Variants in GRAMD1C observed in about 807,000 individuals in gnomAD.
GRAMD1C encodes the protein GRAM domain containing 1C, also known as protein Aster-C.
GRAMD1C carries 89 observed loss-of-function variants against 97.8 expected under a neutral mutation model. The observed-to-expected ratio is 0.91, with a 90% CI of 0.77 to 1.09. The LOEUF is 1.09. GRAMD1C is among the 50% of genes least tolerant of loss of function. GRAMD1C has a pLI of 0.00. For synonymous variants in GRAMD1C, 256 were observed against 267.0 expected, an observed-to-expected ratio of 0.96 and a Z score of 0.40; for missense variants, 740 against 766.4, an observed-to-expected ratio of 0.97 and a Z score of 0.41.
intron 9 of GRAMD1C, among the ~76,000 whole-genome samples, chr3:113,911,612 TCCTTC>T (rs145618589): frequency 0.014 from 2,136 of 150,462 alleles, 55 homozygotes; most frequent in African/African-American, 0.049. Flanking sequence ...TCTCCCTCCC[TCCTTC>T]CCTTCCCTTC....
intron 2 of GRAMD1C, among the ~76,000 whole-genome samples, chr3:113,863,498 G>A (rs893826706): frequency 2.6e-5 from 4 of 152,078 alleles, no homozygotes; most frequent in African/African-American, 9.7e-5. Flanking sequence ...ACTGCTAATG[G>A]GTATAGGATT....
intron 6 of GRAMD1C, chr3:113,885,634 A>T (rs1935447318): frequency 6.7e-7 from 1 of 1,497,934 alleles, no homozygotes; most frequent in Middle Eastern, 1.7e-4. Flanking sequence ...AAGAGGCCCC[A>T]TGTGGATTTC....
chr3:113,870,213 A>T (rs1934740764), intron 3 of GRAMD1C, among the ~76,000 whole-genome samples: 2 of 151,730 alleles, frequency 1.3e-5, no homozygotes, highest in Admixed American at 6.6e-5. Flanking sequence ...AAAAAAAAAA[A>T]TTAGCCAGGT....
At chr3:113,887,315 C>T (rs1002293418) in intron 6 of GRAMD1C, among the ~76,000 whole-genome samples, 10 of 151,524 alleles carry the variant, frequency 6.6e-5, no homozygotes, top group African/African-American at 2.4e-4. Context: ...TGGCCTCTAA[C>T]TTCTGACCTC....
At chr3:113,885,527 A>G in intron 6 of GRAMD1C, 18 of 1,606,390 alleles carry the variant, frequency 1.1e-5, no homozygotes, top group Non-Finnish European at 1.4e-5. Context: ...CACTCCCACC[A>G]TGATGGGGTC....
Position 113,933,521 on chromosome 3 carries a change from A to C in GRAMD1C, c.1220A>C (p.Lys407Thr). The C allele has an allele frequency of 6.2e-7, 1 of 1,610,956 alleles. No homozygotes were observed. The highest frequency in any genetic ancestry group is 8.5e-7 in the Non-Finnish European group (1 of 1,177,192). Residue 407 changes from lysine (K) to threonine (T), a missense_variant, in exon 12 of 18, where the codon AAA (lysine) becomes ACA (threonine). Coordinates refer to ENST00000358160, the MANE Select transcript of GRAMD1C (RefSeq NM_017577.5). ...TAATEKQTLY[K>T]ESREARFYLV... ...ATCTTACTTTGGCAGACACTGTATAAAGAAAGTCGGGAAGCACGATTTTAT... is the reference window on the plus strand; with the variant it reads ...ATCTTACTTTGGCAGACACTGTATACAGAAAGTCGGGAAGCACGATTTTAT...
chr3:113,869,390 A>G (rs1404487954), intron 2 of GRAMD1C, 117 bp from the exon 3 acceptor site: 4 of 657,018 alleles, frequency 6.1e-6, no homozygotes, highest in East Asian at 2.9e-5. Flanking sequence ...GTTTATTTAT[A>G]TAAGGACATA....
At chr3:113,834,157 G>A (rs13087470), upstream of GRAMD1C, among the ~76,000 whole-genome samples, 36,589 of 151,900 alleles carry the variant, frequency 0.24, 4,533 homozygotes, top group Admixed American at 0.31. Context: ...TGCCAAATTC[G>A]CTATATTACT....
At position 113,871,006 on chromosome 3, in the gene GRAMD1C, CACACACACACACACACAG is replaced by C. The variant is rs1163720637; in HGVS notation, c.259+1417_259+1434del. Among the ~76,000 whole-genome samples the C allele has an allele frequency of 3.6e-3, 379 of 105,904 alleles. 2 individuals carry two copies. The highest frequency in any genetic ancestry group is 0.012 in the African/African-American group (361 of 29,570). The allele number at this position is 105,904 out of a possible 152,430, so 69.5% of individuals were successfully genotyped here. Reference sequence around the variant, plus strand: ...ACACACACACACACACACACACACACACACACACACACACACAGAGGAATATTAAGTACTAAGAAAATA... The same window carrying C: ...ACACACACACACACACACACACACACAGGAATATTAAGTACTAAGAAAATA... On this transcript the variant is annotated intron_variant, in intron 3 of 17. Coordinates refer to ENST00000358160, the MANE Select transcript of GRAMD1C (RefSeq NM_017577.5).
chr3:113,841,285 CTTTTTTT>C (rs772233296), intron 1 of GRAMD1C, among the ~76,000 whole-genome samples: 1 of 94,338 alleles, frequency 1.1e-5, no homozygotes, highest in South Asian at 4.0e-4. Flanking sequence ...TTCTTTCTTT[CTTTTTTT>C]TTTTTTTTTG....
At chr3:113,902,991 G>A (rs1936232469) in intron 7 of GRAMD1C, among the ~76,000 whole-genome samples, 1 of 148,462 alleles carries the variant, frequency 6.7e-6, no homozygotes, top group Non-Finnish European at 1.5e-5. Flanking sequence ...TTTGGAGATG[G>A]AGTCTCACTC....
At chr3:113,913,780 A>T (rs1408309233) in intron 9 of GRAMD1C, among the ~76,000 whole-genome samples, 1 of 152,208 alleles carries the variant, frequency 6.6e-6, no homozygotes, top group African/African-American at 2.4e-5. Context: ...TTAAATGGGT[A>T]AAATAATGAA....
intron 3 of GRAMD1C, among the ~76,000 whole-genome samples, chr3:113,875,185 C>T (rs777174376): frequency 3.8e-4 from 58 of 152,130 alleles, no homozygotes; most frequent in Non-Finnish European, 7.6e-4. Flanking sequence ...GCCCTGCCCT[C>T]CTCATACCTG....
intron 2 of GRAMD1C, among the ~76,000 whole-genome samples, chr3:113,847,029 T>C (rs747579824): frequency 1.3e-5 from 2 of 152,148 alleles, no homozygotes; most frequent in Non-Finnish European, 2.9e-5. Flanking sequence ...ATAGGAGAGA[T>C]CCTCAAATCT....
intron 10 of GRAMD1C, among the ~76,000 whole-genome samples, chr3:113,926,467 T>G (rs544177812): frequency 2.8e-4 from 42 of 152,346 alleles, no homozygotes; most frequent in African/African-American, 9.9e-4. Context: ...GAGTTTCTCC[T>G]GAATTTCAAT....
intron 2 of GRAMD1C, among the ~76,000 whole-genome samples, chr3:113,855,520 A>G (rs755534455): frequency 6.6e-6 from 1 of 151,806 alleles, no homozygotes; most frequent in Non-Finnish European, 1.5e-5. Flanking sequence ...CCTGGCCAAC[A>G]TGGCAAAACC....
intron 1 of GRAMD1C, among the ~76,000 whole-genome samples, chr3:113,842,210 A>G (rs979657050): frequency 2.0e-5 from 3 of 152,170 alleles, no homozygotes; most frequent in African/African-American, 7.2e-5. Flanking sequence ...AATAACTCCT[A>G]AGATTGTAGG....
chr3:113,834,339 C>A (rs1193958821), upstream of GRAMD1C, among the ~76,000 whole-genome samples: 2 of 152,018 alleles, frequency 1.3e-5, no homozygotes, highest in Non-Finnish European at 2.9e-5. Context: ...GCCACCACGC[C>A]TGGCTAATTT....
intron 2 of GRAMD1C, chr3:113,850,434 T>TA: frequency 8.2e-7 from 1 of 1,225,676 alleles, no homozygotes; most frequent in Non-Finnish European, 1.2e-6. Flanking sequence ...GGCCTGCCAG[T>TA]CTCTGGATGG....
Sources: allele counts gnomAD v4.1 joint callset (sites outside exome capture counted in the v4.1 genomes callset), GRCh38; gene constraint gnomAD v4.1.1; transcripts MANE v1.5; gene names NCBI Gene and HGNC (gene_info 2026-07-23, HGNC 2026-07-21).